The following PDE4D variants were observed in gnomAD, a reference collection of about 807,000 sequenced individuals.
PDE4D encodes the protein 3',5'-cyclic-AMP phosphodiesterase 4D.
PDE4D carries 24 observed loss-of-function variants against 87.4 expected under a neutral mutation model. The observed-to-expected ratio is 0.27, with a 90% confidence interval of 0.20 to 0.39. The LOEUF (loss-of-function observed/expected upper bound fraction) is 0.39. PDE4D is among the 10% of genes least tolerant of loss of function. PDE4D has a pLI of 1.00. For missense variants in PDE4D, 714 were observed against 1,041.0 expected (o/e 0.69, Z 4.32); for synonymous variants, 384 against 383.2 (o/e 1.00, Z -0.02).
At chr5:59,799,727 T>C (rs1202282443) in intron 1 of PDE4D, among the ~76,000 whole-genome samples, 6 of 152,180 alleles carry the variant, frequency 3.9e-5, no homozygotes, top group Non-Finnish European at 7.3e-5. Context: ...AAGACATCTA[T>C]TGGATTGTCC....
chr5:59,076,693 A>G (rs1278716014), intron 5 of PDE4D, among the ~76,000 whole-genome samples: 1 of 152,150 alleles, frequency 6.6e-6, no homozygotes, highest in Non-Finnish European at 1.5e-5. Context: ...AAACTCAATC[A>G]ATGCCTTGCC....
chr5:59,530,834 A>G lies in PDE4D; in HGVS notation c.456-314866T>C, dbSNP rs76368425. 6.1e-3 allele frequency among the ~76,000 whole-genome samples: 930 copies of G among 152,288 alleles called. 5 individuals are homozygous for G. The highest frequency in any genetic ancestry group is 0.016 in the African/African-American group (667 of 41,564). Reference sequence around the variant, plus strand: ...CAGCTCTAAATTTATTATAGCAACAACTCAGGATCAAATATAATTTGAGAT... The same window carrying G: ...CAGCTCTAAATTTATTATAGCAACAGCTCAGGATCAAATATAATTTGAGAT... On this transcript the variant is annotated intron_variant, in intron 1 of 14. Transcript: ENST00000340635.
In PDE4D at chr5:58,973,055, A is replaced by G. The variant is rs951900686; in HGVS notation, c.*1609T>C. On this transcript the variant is annotated 3_prime_UTR_variant, in exon 15 of 15. Transcript: ENST00000340635. Reference sequence around the variant, plus strand: ...ATGTGGCTGTCCATTAAGGAAGAGTAGTTGCTACACTTAAAACCGTTTCTC... The same window carrying G: ...ATGTGGCTGTCCATTAAGGAAGAGTGGTTGCTACACTTAAAACCGTTTCTC... 6.6e-6 allele frequency: 1 copy of G among 152,216 alleles called. No homozygotes were observed. The highest frequency in any genetic ancestry group is 2.4e-5 in the African/African-American group (1 of 41,446). The allele number at this position is 152,216 out of a possible 1,614,324, so 9.4% of individuals were successfully genotyped here. A position where few individuals can be genotyped will look rare whatever the true frequency, so the allele number is the denominator to read the frequency against.
intron 5 of PDE4D, among the ~76,000 whole-genome samples, chr5:59,045,726 G>T (rs560861683): frequency 2.0e-5 from 3 of 152,134 alleles, no homozygotes; most frequent in Non-Finnish European, 2.9e-5. Flanking sequence ...ATCTTCAAGA[G>T]TAGGAGTCAC....
At chr5:60,094,814 T>C (rs770572899) in intron 2 of PDE4D, among the ~76,000 whole-genome samples, 2 of 152,048 alleles carry the variant, frequency 1.3e-5, no homozygotes, top group East Asian at 3.9e-4. Flanking sequence ...AGGCAATACA[T>C]ACATTTCTCT....
chr5:59,820,024 C>T lies in PDE4D; in HGVS notation c.455+73144G>A, dbSNP rs1210776850. On this transcript the variant is annotated intron_variant, in intron 1 of 14. Coordinates refer to ENST00000340635, the MANE Select transcript of PDE4D (RefSeq NM_001104631.2). Reference sequence around the variant, plus strand: ...ATTTGACCTTGAACAGCCCCTTGGCCTGTCAGAAACACAATGTCCGTGTGT... The same window carrying T: ...ATTTGACCTTGAACAGCCCCTTGGCTTGTCAGAAACACAATGTCCGTGTGT... Among the ~76,000 whole-genome samples the T allele has an allele frequency of 3.3e-5, 5 of 152,152 alleles. No individual in the cohort carries two copies. In the East Asian group the frequency reaches 9.6e-4, roughly 29 times the overall value.
At chr5:59,496,993 T>TA (rs1317643785) in intron 1 of PDE4D, among the ~76,000 whole-genome samples, 1 of 152,026 alleles carries the variant, frequency 6.6e-6, no homozygotes, top group Non-Finnish European at 1.5e-5. Flanking sequence ...CAGCCTGAAT[T>TA]ACACTACAAA....
At chr5:59,483,744 C>A (rs144741290) in intron 1 of PDE4D, among the ~76,000 whole-genome samples, 1 of 152,128 alleles carries the variant, frequency 6.6e-6, no homozygotes, top group Non-Finnish European at 1.5e-5. Flanking sequence ...AAGGCTGCAA[C>A]CTGCTAAGGC....
chr5:59,258,302 A>G (rs1761354775), intron 1 of PDE4D, among the ~76,000 whole-genome samples: 1 of 151,686 alleles, frequency 6.6e-6, no homozygotes, highest in Non-Finnish European at 1.5e-5. Flanking sequence ...GACATACACA[A>G]ACACACTGTT....
chr5:59,982,130 C>A (rs1561940952), intron 3 of PDE4D, among the ~76,000 whole-genome samples: 1 of 152,128 alleles, frequency 6.6e-6, no homozygotes, highest in Non-Finnish European at 1.5e-5. Flanking sequence ...CCAAAAGTGA[C>A]CATGTCTTCT....
chr5:59,188,392 T>C (rs1486104352), intron 3 of PDE4D, among the ~76,000 whole-genome samples: 1 of 152,152 alleles, frequency 6.6e-6, no homozygotes, highest in Non-Finnish European at 1.5e-5. Flanking sequence ...CAAAGATGGT[T>C]CATGTATTAG....
At chr5:60,323,868 T>A (rs1489172061) in intron 1 of PDE4D, among the ~76,000 whole-genome samples, 2 of 151,728 alleles carry the variant, frequency 1.3e-5, no homozygotes, top group Non-Finnish European at 2.9e-5. Context: ...CTCTGCCCCC[T>A]GCTCCCATTC....
intron 1 of PDE4D, among the ~76,000 whole-genome samples, chr5:59,224,106 T>A (rs1357777651): frequency 8.5e-5 from 9 of 106,400 alleles, no homozygotes; most frequent in Non-Finnish European, 1.6e-4. Context: ...GGCAACATGA[T>A]GAAACCCTGT....
At chr5:60,124,543 A>G (rs1778961508) in intron 2 of PDE4D, among the ~76,000 whole-genome samples, 1 of 152,002 alleles carries the variant, frequency 6.6e-6, no homozygotes, top group Non-Finnish European at 1.5e-5. Context: ...TGTGCCTGAT[A>G]TCATCTCTTT....
At chr5:60,458,386 C>CAAAAAA (rs61006284) in intron 1 of PDE4D, among the ~76,000 whole-genome samples, 28 of 75,052 alleles carry the variant, frequency 3.7e-4, no homozygotes, top group Non-Finnish European at 4.9e-4. Flanking sequence ...GACTTCATTG[C>CAAAAAA]AAAAAAAAAA....
In PDE4D at chr5:59,014,404, T is replaced by A. The variant is rs553998344; in HGVS notation, c.922-20939A>T. ...ATTATATATTTAGAAAACCCCATCA[T>A]CTCAGCCCAAAATCTCCTTAAGCTG... On this transcript the variant is annotated intron_variant, in intron 6 of 14. Transcript: ENST00000340635. Among the ~76,000 whole-genome samples the A allele has an allele frequency of 1.3e-5, 2 of 152,268 alleles. 1 individual carries two copies. The highest frequency in any genetic ancestry group is 4.1e-4 in the South Asian group (2 of 4,828).
chr5:59,673,471 C>G (rs550398449), intron 1 of PDE4D, among the ~76,000 whole-genome samples: 3 of 152,284 alleles, frequency 2.0e-5, no homozygotes, highest in African/African-American at 7.2e-5. Context: ...ATCGTTACTC[C>G]CTTTTTGAAT....
At chr5:59,271,354 T>C (rs1194538403) in intron 1 of PDE4D, among the ~76,000 whole-genome samples, 2 of 152,100 alleles carry the variant, frequency 1.3e-5, no homozygotes, top group African/African-American at 2.4e-5. Context: ...TAGAAAAATA[T>C]TGATATGTTA....
chr5:59,074,060 A>G (rs1765296596), intron 5 of PDE4D, among the ~76,000 whole-genome samples: 1 of 152,198 alleles, frequency 6.6e-6, no homozygotes, highest in Non-Finnish European at 1.5e-5. Context: ...TATTTAAGCT[A>G]TTTTAAATGA....
Sources: allele counts gnomAD v4.1 joint callset (sites outside exome capture counted in the v4.1 genomes callset), GRCh38; gene constraint gnomAD v4.1.1; transcripts MANE v1.5; gene names NCBI Gene and HGNC (gene_info 2026-07-23, HGNC 2026-07-21).